PARVG: variants seen among roughly 807,000 people sequenced by gnomAD.
PARVG encodes the protein parvin gamma.
In PARVG, 36 loss-of-function variants were observed where a neutral mutation model predicts 44.4. That is an observed-to-expected ratio of 0.81 (90% CI 0.62 to 1.07). The LOEUF (loss-of-function observed/expected upper bound fraction) is 1.07, where lower values mean the gene tolerates loss of function less well. Among genes scored for constraint, PARVG ranks in the 50% least tolerant of loss-of-function variants. PARVG has a pLI of 0.00. For synonymous variants in PARVG, 170 were observed against 174.1 expected (o/e 0.98, Z 0.19); for missense variants, 407 against 407.4 (o/e 1.00, Z 0.01).
chr22:44,179,863 G>A (rs5764590), upstream of PARVG, among the ~76,000 whole-genome samples: 1 of 152,168 alleles, frequency 6.6e-6, no homozygotes, highest in Non-Finnish European at 1.5e-5. This position sits in a 1 kb window ranked among gnomAD's most constrained non-coding sequence, Gnocchi z 4.2. Context: ...GCTGGAGGCA[G>A]CGCCTCCAGC....
At chr22:44,193,584 GA>G (rs1354060151) in intron 8 of PARVG, among the ~76,000 whole-genome samples, 1 of 152,186 alleles carries the variant, frequency 6.6e-6, no homozygotes, top group Non-Finnish European at 1.5e-5. Flanking sequence ...TCTAGGTGTG[GA>G]AGCCTCAGGG....
At position 44,185,544 on chromosome 22, in the gene PARVG, T is replaced by C. The variant is rs58168772; in HGVS notation, c.80-264T>C. ...CCTAAATAGGTAGGGTTGCCAGATA[T>C]ATCAAACATAGGATACCCAGTTAAC... On this transcript the variant is annotated intron_variant, in intron 3 of 13. Transcript: ENST00000444313. 2.3e-3 allele frequency: 808 copies of C among 357,940 alleles called. 11 individuals carry two copies. The highest frequency in any genetic ancestry group is 0.016 in the African/African-American group (756 of 47,946). The allele number at this position is 357,940 out of a possible 1,614,324, so 22.2% of individuals were successfully genotyped here.
rs542618822 is a variant in PARVG, at chr22:44,173,315, G to A, written c.-189+124G>A. On this transcript the variant is annotated intron_variant, in intron 1 of 13. Transcript: ENST00000422871. Reference sequence around the variant, plus strand: ...GTCTCCTTACTTTTCATGATGTGACGTCACTGGGCCTTGCATGCTGACCAG... The same window carrying A: ...GTCTCCTTACTTTTCATGATGTGACATCACTGGGCCTTGCATGCTGACCAG... 105 of 858,740 alleles carry A rather than the reference G, an allele frequency of 1.2e-4. 1 individual carries two copies. The South Asian group carries it at 1.5e-3, about 12-fold the overall frequency. 53.2% of individuals were successfully genotyped at this position (858,740 alleles called of 1,614,324 possible).
At chr22:44,188,082 C>G in intron 5 of PARVG, 1 of 606,078 alleles carries the variant, frequency 1.6e-6, no homozygotes, top group Non-Finnish European at 2.9e-6. Context: ...AGCTGGGGCT[C>G]AGGGTGGGGC....
At position 44,202,658 on chromosome 22, in the gene PARVG, CA is replaced by C. The variant is rs1283159380; in HGVS notation, c.814-3095del. On this transcript the variant is annotated intron_variant, in intron 12 of 13. Transcript: ENST00000444313. ...AATCTCTGCTGCAGGAATGTGTAAT[CA>C]AAATGCTGAAGAGGTCGTCAGCTGA... 9.8e-5 allele frequency among the ~76,000 whole-genome samples: 15 copies of C among 152,344 alleles called. No homozygotes were observed. The East Asian group carries it at 2.1e-3, about 22-fold the overall frequency.
In PARVG at chr22:44,174,982, C is replaced by G. The variant is rs910032064; in HGVS notation, c.-189+1791C>G. On this transcript the variant is annotated intron_variant, in intron 1 of 13. Coordinates refer to the PARVG transcript ENST00000422871. Reference sequence around the variant, plus strand: ...ACTAAATATAAAAAAATTAGCTGGGCGTGGTGCCAGGCACCTGTAATCCCA... The same window carrying G: ...ACTAAATATAAAAAAATTAGCTGGGGGTGGTGCCAGGCACCTGTAATCCCA... Among the ~76,000 whole-genome samples, 3 of 152,162 alleles carry G rather than the reference C, an allele frequency of 2.0e-5. No individual in the cohort carries two copies. The East Asian group carries it at 5.8e-4, about 29-fold the overall frequency.
At chr22:44,185,625 T>C in intron 3 of PARVG, 183 bp from the exon 4 acceptor site, 1 of 559,218 alleles carries the variant, frequency 1.8e-6, no homozygotes, top group Non-Finnish European at 3.2e-6. Context: ...AAAGTATAAA[T>C]GCTGCAGTGT....
chr22:44,205,877 C>G lies in PARVG; in HGVS notation c.886+48C>G, dbSNP rs779612205. Reference sequence around the variant, plus strand: ...CACGGTGGCCAGCCCTGGGTGGCAGCCTTGTGCGAGAGCCACAGAACAGGG... The same window carrying G: ...CACGGTGGCCAGCCCTGGGTGGCAGGCTTGTGCGAGAGCCACAGAACAGGG... On this transcript the variant is annotated intron_variant, in intron 13 of 13. Transcript: ENST00000444313. The G allele has an allele frequency of 5.7e-6, 9 of 1,592,418 alleles. No homozygotes were observed. The African/African-American group carries it at 9.4e-5, about 17-fold the overall frequency.
intron 2 of PARVG, chr22:44,183,069 C>T (rs886682833): frequency 1.8e-5 from 9 of 499,740 alleles, no homozygotes; most frequent in Admixed American, 4.1e-5. Context: ...CCACTTCCTC[C>T]GCCAAGCCTT....
At chr22:44,195,446 C>A (rs952610758) in intron 9 of PARVG, among the ~76,000 whole-genome samples, 1 of 152,184 alleles carries the variant, frequency 6.6e-6, no homozygotes, top group Non-Finnish European at 1.5e-5. Flanking sequence ...TGCCCAAGGA[C>A]CAGTGTCCCC....
intron 2 of PARVG, 96 bp from the exon 3 acceptor site, chr22:44,183,222 C>T (rs952643838): frequency 3.2e-5 from 37 of 1,171,726 alleles, no homozygotes; most frequent in Non-Finnish European, 4.3e-5. Context: ...CTGGCTTCTA[C>T]CCTCCTTCTG....
Position 44,185,885 on chromosome 22 carries a change from CCA to C in PARVG, c.144+16_144+17del. ...AGAACTGCAGAAGGTACAGCAGCCT[CCA>C]CAGCCCTGACTTCCCTGGGTGCCTC... is the stretch of plus-strand genomic sequence containing the variant. On this transcript the variant is annotated intron_variant, in intron 4 of 13. Coordinates refer to ENST00000444313, the MANE Select transcript of PARVG (RefSeq NM_022141.7). 6.2e-7 allele frequency: 1 copy of C among 1,611,422 alleles called. No individual in the cohort carries two copies.
At chr22:44,201,354 G>C (rs1013571481) in intron 12 of PARVG, among the ~76,000 whole-genome samples, 1 of 152,156 alleles carries the variant, frequency 6.6e-6, no homozygotes, top group Non-Finnish European at 1.5e-5. Flanking sequence ...GGCCCGAGAG[G>C]CTTACCCAGT....
At position 44,173,638 on chromosome 22, in the gene PARVG, G is replaced by A. The variant is rs555226503; in HGVS notation, c.-189+447G>A. Among the ~76,000 whole-genome samples the A allele has an allele frequency of 7.2e-5, 11 of 152,322 alleles. No homozygotes were observed. The East Asian group carries it at 7.7e-4, about 11-fold the overall frequency. ...TGTCCAGGTTTGTCACTGTGTGACC[G>A]TGACTGCGGGGAGCGAAGTAATCCA... On this transcript the variant is annotated intron_variant, in intron 1 of 13. Transcript: ENST00000422871.
At chr22:44,192,157 G>A in intron 8 of PARVG, 53 bp downstream of exon 8, 1 of 1,588,356 alleles carries the variant, frequency 6.3e-7, no homozygotes, top group Non-Finnish European at 8.6e-7. Context: ...AGCGGTGGAT[G>A]GGGGCAGGGT....
exon 1 of PARVG, chr22:44,173,013 C>G: frequency 7.8e-7 from 1 of 1,289,714 alleles, no homozygotes; most frequent in Non-Finnish European, 1.0e-6. Context: ...ATGGTGCCAG[C>G]GAAGGAACAG....
Position 44,206,352 on chromosome 22 carries a change from GT to G in PARVG, c.923del (p.Val308GlyfsTer94), listed in dbSNP as rs1414025188. 1.9e-6 allele frequency: 3 copies of G among 1,613,824 alleles called. No individual in the cohort carries two copies. The highest frequency in any genetic ancestry group is 2.5e-6 in the Non-Finnish European group (3 of 1,179,980). On this transcript the variant is annotated frameshift_variant, in exon 14 of 14. Coordinates refer to ENST00000444313, the MANE Select transcript of PARVG (RefSeq NM_022141.7). LOFTEE classifies it low-confidence loss of function (END_TRUNC). ...CAAGGATGCCAAGAGCACACTGAGGGTGCTCTATGGTCTGTTCTGCAAGCAC... is the reference window on the plus strand; with the variant it reads ...CAAGGATGCCAAGAGCACACTGAGGGGCTCTATGGTCTGTTCTGCAAGCAC... ...VNKDAKSTLR[V>X]LYGLFCKHTQ...
chr22:44,200,608 C>T (rs1446388975), intron 12 of PARVG, among the ~76,000 whole-genome samples: 2 of 152,200 alleles, frequency 1.3e-5, no homozygotes, highest in Non-Finnish European at 2.9e-5. Flanking sequence ...GCCAGGGTTC[C>T]CGTGGCCTGG....
intron 3 of PARVG, 65 bp downstream of exon 3, chr22:44,183,473 A>G: frequency 6.9e-7 from 1 of 1,443,918 alleles, no homozygotes; most frequent in Non-Finnish European, 9.2e-7. Context: ...GAGCCTGGCC[A>G]TGCCTGGGAC....
Sources: allele counts gnomAD v4.1 joint callset (sites outside exome capture counted in the v4.1 genomes callset), GRCh38; gene constraint gnomAD v4.1.1; non-coding constraint Gnocchi (gnomAD v3.1); transcripts MANE v1.5; gene names NCBI Gene and HGNC (gene_info 2026-07-23, HGNC 2026-07-21).